The following SLC35F4 variants were observed in gnomAD, a reference collection of about 807,000 sequenced individuals.
SLC35F4 encodes the protein chromosome 14 open reading frame 36.
Under a neutral mutation model 44.2 loss-of-function variants are expected in SLC35F4, and 24 were observed. That is an observed-to-expected ratio of 0.54 (90% CI 0.39 to 0.76). SLC35F4 has a LOEUF of 0.76. SLC35F4 is among the 30% of genes least tolerant of loss of function. The probability of loss-of-function intolerance (pLI) is 0.00; values close to 1 mark genes in which losing one functional copy is unlikely to be tolerated. For synonymous variants in SLC35F4, 238 were observed against 223.6 expected, an observed-to-expected ratio of 1.06 and a Z score of -0.57; for missense variants, 562 against 586.1, an observed-to-expected ratio of 0.96 and a Z score of 0.42.
intron 1 of SLC35F4, among the ~76,000 whole-genome samples, chr14:57,935,327 C>A (rs2141068672): frequency 6.6e-6 from 1 of 152,270 alleles, no homozygotes; most frequent in African/African-American, 2.4e-5. Context: ...ATACAGTTTT[C>A]CCTAACAGTA....
chr14:57,784,146 T>C (rs1026006353), intron 1 of SLC35F4, among the ~76,000 whole-genome samples: 7 of 152,248 alleles, frequency 4.6e-5, no homozygotes, highest in Non-Finnish European at 8.8e-5. Flanking sequence ...GAAGAGCTAA[T>C]AGGTATCACA....
At chr14:57,701,802 TA>T (rs2140367796) in intron 1 of SLC35F4, among the ~76,000 whole-genome samples, 2 of 152,326 alleles carry the variant, frequency 1.3e-5, no homozygotes, top group African/African-American at 4.8e-5. Context: ...CCTACTATAA[TA>T]AAAGTTATAT....
chr14:57,601,824 T>A (rs1566669272), intron 1 of SLC35F4, among the ~76,000 whole-genome samples: 1 of 152,230 alleles, frequency 6.6e-6, no homozygotes, highest in Non-Finnish European at 1.5e-5. Context: ...AAGCCTTGTG[T>A]ATATTATCTC....
intron 1 of SLC35F4, among the ~76,000 whole-genome samples, chr14:57,716,789 A>C (rs2140421055): frequency 6.6e-6 from 1 of 152,366 alleles, no homozygotes; most frequent in East Asian, 1.9e-4. Flanking sequence ...TTATAATTAT[A>C]GTCATTCTAC....
chr14:57,806,175 C>A (rs888200733), intron 1 of SLC35F4, among the ~76,000 whole-genome samples: 2 of 152,118 alleles, frequency 1.3e-5, no homozygotes, highest in South Asian at 2.1e-4. Context: ...AGGTGAAAAG[C>A]AAATTAATAT....
At chr14:57,768,771 G>A (rs2077292464) in intron 1 of SLC35F4, among the ~76,000 whole-genome samples, 1 of 150,912 alleles carries the variant, frequency 6.6e-6, no homozygotes, top group Non-Finnish European at 1.5e-5. Context: ...TCTTCTTTCT[G>A]AGACGAAGTC....
At chr14:57,667,887 T>C (rs1342323305) in intron 1 of SLC35F4, among the ~76,000 whole-genome samples, 79 of 142,150 alleles carry the variant, frequency 5.6e-4, no homozygotes, top group African/African-American at 1.9e-3. Context: ...TTTCTAGTTC[T>C]AGATCCCTGA....
Position 57,883,069 on chromosome 14 carries a change from CGAGGAG to C in SLC35F4, n.282+98838_282+98843del, listed in dbSNP as rs1008254759. ...GAAGGGGAGGGGAGGAGGAGGAGGA[CGAGGAG>C]GAGGAGGAGAAACAGCAGCAGCGAG... On this transcript the variant is annotated intron_variant and non_coding_transcript_variant, in intron 1 of 1. Transcript: ENST00000556568. Among the ~76,000 whole-genome samples, 4 of 149,182 alleles carry C rather than the reference CGAGGAG, an allele frequency of 2.7e-5. No homozygotes were observed. The East Asian group carries it at 7.9e-4, about 29-fold the overall frequency.
intron 1 of SLC35F4, among the ~76,000 whole-genome samples, chr14:57,827,532 A>G (rs1027889448): frequency 3.9e-5 from 6 of 152,166 alleles, no homozygotes; most frequent in Admixed American, 6.5e-5. Context: ...ATTTTTTTAA[A>G]AAAAGGACTA....
chr14:57,712,392 T>C (rs556191733), intron 1 of SLC35F4, among the ~76,000 whole-genome samples: 2 of 152,334 alleles, frequency 1.3e-5, no homozygotes, highest in Non-Finnish European at 2.9e-5. Flanking sequence ...AGCACATAAG[T>C]CATGATTAAC....
At chr14:57,637,584 T>C (rs751757588) in intron 1 of SLC35F4, among the ~76,000 whole-genome samples, 1 of 152,124 alleles carries the variant, frequency 6.6e-6, no homozygotes, top group Non-Finnish European at 1.5e-5. Context: ...AGGACTGCTG[T>C]ACTAGAAGCA....
At position 57,569,864 on chromosome 14, in the gene SLC35F4, G is replaced by A. The variant is rs769983781; in HGVS notation, c.1050C>T (p.Phe350=). The change falls in exon 6 of 8, where the codon TTC becomes TTT. Residue 350 remains phenylalanine (F), a synonymous_variant. Coordinates refer to ENST00000556826, the MANE Select transcript of SLC35F4 (RefSeq NM_001306087.2). ...FISFTPVILY[F]TKVEHWSSFA... ...AAGAGGACCAGTGCTCCACCTTGGT[G>A]AAATACAAGATGACTGGGGTGAAGG... 3.0e-5 allele frequency: 49 copies of A among 1,611,800 alleles called. 1 individual carries two copies. In the South Asian group the frequency reaches 5.3e-4, roughly 17 times the overall value.
intron 4 of SLC35F4, 88 bp from the exon 5 acceptor site, chr14:57,572,107 G>A: frequency 6.7e-7 from 1 of 1,488,110 alleles, no homozygotes; most frequent in Middle Eastern, 1.7e-4. Context: ...AAGCTGCTAA[G>A]TACTTCCTTA....
chr14:57,700,941 A>G (rs1262597563), intron 1 of SLC35F4, among the ~76,000 whole-genome samples: 1 of 152,054 alleles, frequency 6.6e-6, no homozygotes, highest in Non-Finnish European at 1.5e-5. Context: ...ACAACAAAAA[A>G]TTCTTTTTTA....
chr14:57,948,539 C>G (rs964825876), intron 1 of SLC35F4, among the ~76,000 whole-genome samples: 1 of 151,660 alleles, frequency 6.6e-6, no homozygotes, highest in East Asian at 1.9e-4. Context: ...TTATTTAGTT[C>G]TGCTCTAATC....
intron 1 of SLC35F4, among the ~76,000 whole-genome samples, chr14:57,632,791 T>C (rs985385712): frequency 6.6e-6 from 1 of 151,984 alleles, no homozygotes; most frequent in Non-Finnish European, 1.5e-5. Context: ...CAACTATGGG[T>C]TTTTGACAAA....
intron 1 of SLC35F4, chr14:57,596,214 T>G (rs2139943877): frequency 6.4e-6 from 1 of 157,036 alleles, no homozygotes; most frequent in Non-Finnish European, 1.4e-5. Context: ...AATCTTGGAT[T>G]TAGAAAATTA....
At chr14:57,749,435 T>A (rs936009838) in intron 1 of SLC35F4, among the ~76,000 whole-genome samples, 1 of 152,052 alleles carries the variant, frequency 6.6e-6, no homozygotes, top group Non-Finnish European at 1.5e-5. Context: ...CAGTGCAGAA[T>A]GCCAAACTTG....
chr14:57,776,256 C>A (rs2077484466), intron 1 of SLC35F4, among the ~76,000 whole-genome samples: 1 of 152,148 alleles, frequency 6.6e-6, no homozygotes, highest in South Asian at 2.1e-4. Flanking sequence ...CTTCTCCAAC[C>A]TAGCTAGAGA....
Sources: gnomAD v4.1 joint callset for allele counts (sites outside exome capture counted in the v4.1 genomes callset) on GRCh38, gnomAD v4.1.1 for gene constraint, MANE v1.5 for transcripts, NCBI Gene and HGNC (gene_info 2026-07-23, HGNC 2026-07-21) for gene names.